PZP: variants seen among roughly 807,000 people sequenced by gnomAD.
The protein encoded by PZP is pregnancy zone protein.
PZP carries 150 observed loss-of-function variants against 179.8 expected under a neutral mutation model. The observed-to-expected ratio is 0.83, with a 90% CI of 0.73 to 0.96. The LOEUF is 0.96. PZP is among the 40% of genes least tolerant of loss of function. The probability of loss-of-function intolerance (pLI) is 0.00; values close to 1 mark genes in which losing one functional copy is unlikely to be tolerated. For missense variants in PZP, 1,689 were observed against 1,764.0 expected (o/e 0.96, Z 0.76); for synonymous variants, 624 against 652.3 (o/e 0.96, Z 0.66).
chr12:9,150,848 T>A lies in PZP; in HGVS notation c.4282-102A>T, dbSNP rs753881096. The A allele has an allele frequency of 9.5e-6, 7 of 738,016 alleles. No homozygotes were observed. In the African/African-American group the frequency reaches 1.1e-4, roughly 11 times the overall value. The allele number at this position is 738,016 out of a possible 1,614,324, so 45.7% of individuals were successfully genotyped here. ...GTTCTTTGACTCTTTTTCACCAGTG[T>A]CTTTAGGTGACCAGACATTTGTGGA... On this transcript the variant is annotated intron_variant, in intron 33 of 35. Coordinates refer to ENST00000261336, the MANE Select transcript of PZP (RefSeq NM_002864.3).
At chr12:9,143,520 G>A in the PZP span, among the ~76,000 whole-genome samples, 2 of 152,022 alleles carry the variant, frequency 1.3e-5, no homozygotes, top group African/African-American at 4.8e-5. Context: ...GAGAAACCTG[G>A]GGAGGGTTTT....
At chr12:9,189,070 G>A (rs901859579) in intron 13 of PZP, among the ~76,000 whole-genome samples, 2 of 152,104 alleles carry the variant, frequency 1.3e-5, no homozygotes, top group Admixed American at 6.5e-5. Flanking sequence ...TGGTCATATT[G>A]CCCAAAGCAA....
chr12:9,193,552 A>G (rs988007988), intron 11 of PZP, among the ~76,000 whole-genome samples: 11 of 152,210 alleles, frequency 7.2e-5, no homozygotes, highest in African/African-American at 2.7e-4. Context: ...ACATGTTTTT[A>G]AACTGAGTTA....
At chr12:9,169,019 A>C (rs749691316) in intron 16 of PZP, 45 bp from the exon 17 acceptor site, 24 of 1,390,680 alleles carry the variant, frequency 1.7e-5, no homozygotes, top group Non-Finnish European at 2.5e-5. Context: ...CTTGATTAGA[A>C]TATATAAAAC....
At chr12:9,162,419 T>C in intron 22 of PZP, 178 bp downstream of exon 22, 1 of 581,872 alleles carries the variant, frequency 1.7e-6, no homozygotes, top group Non-Finnish European at 3.0e-6. Flanking sequence ...CACATTAACT[T>C]GCTCTCTTGG....
In PZP at chr12:9,154,719, G is replaced by T; in HGVS notation, c.3671C>A (p.Thr1224Lys). 1 of 1,614,120 alleles carries T rather than the reference G, an allele frequency of 6.2e-7. No homozygotes were observed. Residue 1224 changes from threonine to lysine, a missense_variant, in exon 29 of 36, where the codon ACG becomes AAG. Thr to Lys is a moderately conservative substitution (Grantham distance 78). Transcript: ENST00000261336. Reference sequence around the variant, plus strand: ...CCCTGAGGTGGGGGCTGGCTGGGCCGTGAGATAAGCGAGGAGCACATAGGA... The same window carrying T: ...CCCTGAGGTGGGGGCTGGCTGGGCCTTGAGATAAGCGAGGAGCACATAGGA... ...MTSYVLLAYL[T>K]AQPAPTSGDL...
chr12:9,183,107 A>T (rs1376824388), intron 13 of PZP, among the ~76,000 whole-genome samples: 4 of 152,186 alleles, frequency 2.6e-5, no homozygotes, highest in African/African-American at 7.2e-5. Context: ...AATTGATTTT[A>T]TTTTTTTCTT....
chr12:9,159,897 T>C lies in PZP; in HGVS notation c.3137+41A>G, dbSNP rs374400936. 5 of 1,524,262 alleles carry C rather than the reference T, an allele frequency of 3.3e-6. No homozygotes were observed. The African/African-American group carries it at 4.1e-5, about 13-fold the overall frequency. 94.4% of individuals were successfully genotyped at this position (1,524,262 alleles called of 1,614,324 possible). ...AGACAGGTAATCTATGTGCACGTTC[T>C]GAACTCATAGTTGAAACTCAGAATA... On this transcript the variant is annotated intron_variant, in intron 25 of 35. Transcript: ENST00000261336.
intron 13 of PZP, among the ~76,000 whole-genome samples, chr12:9,186,917 T>A (rs1404285625): frequency 1.3e-5 from 2 of 151,460 alleles, no homozygotes; most frequent in Non-Finnish European, 2.9e-5. Flanking sequence ...GGCTGATGGG[T>A]GCAGCAAACC....
At chr12:9,151,973 C>T (rs754475048) in intron 32 of PZP, among the ~76,000 whole-genome samples, 5 of 152,210 alleles carry the variant, frequency 3.3e-5, no homozygotes, top group Admixed American at 2.6e-4. Flanking sequence ...GTTTTGTGCC[C>T]ATGTGCTTTA....
At chr12:9,206,241 A>G (rs1039491578) in intron 1 of PZP, among the ~76,000 whole-genome samples, 3 of 151,502 alleles carry the variant, frequency 2.0e-5, no homozygotes, top group Non-Finnish European at 4.4e-5. Flanking sequence ...GATCTTAATA[A>G]GAAGGTATAT....
chr12:9,192,118 A>G (rs1326682535), intron 13 of PZP, 75 bp downstream of exon 13: 6 of 1,286,968 alleles, frequency 4.7e-6, no homozygotes. Context: ...ACGATTTCCC[A>G]TTTATGAACT....
At position 9,194,095 on chromosome 12, in the gene PZP, A is replaced by G. The variant is rs376878193; in HGVS notation, c.1236T>C (p.Val412=). The change falls in exon 11 of 36, where the codon GTT becomes GTC. Residue 412 remains valine, a synonymous_variant. Coordinates refer to ENST00000261336, the MANE Select transcript of PZP (RefSeq NM_002864.3). Reference sequence around the variant, plus strand: ...TACTTACCCGGACAAAAAGTTTATTAACCGAGATACTGGTAGTATTGATTG... The same window carrying G: ...TACTTACCCGGACAAAAAGTTTATTGACCGAGATACTGGTAGTATTGATTG... ...QFSINTTSIS[V]NKLFVRVFTV... 3.1e-6 allele frequency: 5 copies of G among 1,613,474 alleles called. No homozygotes were observed. The highest frequency in any genetic ancestry group is 1.3e-5 in the African/African-American group (1 of 74,910).
the PZP span, among the ~76,000 whole-genome samples, chr12:9,137,030 T>G: frequency 6.6e-6 from 1 of 152,208 alleles, no homozygotes; most frequent in Non-Finnish European, 1.5e-5. Context: ...CTTTCCAGTT[T>G]GACATAGTTC....
In PZP at chr12:9,182,083, C is replaced by T. The variant is rs747026481; in HGVS notation, c.1581G>A (p.Glu527=). 4 of 1,613,748 alleles carry T rather than the reference C, an allele frequency of 2.5e-6. No individual in the cohort carries two copies. The highest frequency in any genetic ancestry group is 2.7e-5 in the African/African-American group (2 of 74,890). Residue 527 remains glutamate (E), a synonymous_variant, in exon 14 of 36, where the codon GAG becomes GAA. Transcript: ENST00000261336. ...KGSFALSFPV[E]SDVAPIARMF... is the part of the protein sequence containing the mutation. ...TTCGTGCAATGGGGGCAACGTCTGA[C>T]TCCACAGGGAAGGATAAGGCAAAAC...
At position 9,192,728 on chromosome 12, in the gene PZP, C is replaced by T; in HGVS notation, c.1266G>A (p.Val422=). The T allele has an allele frequency of 6.2e-7, 1 of 1,608,916 alleles. No individual in the cohort carries two copies. The highest frequency in any genetic ancestry group is 8.5e-7 in the Non-Finnish European group (1 of 1,175,494). The change falls in exon 12 of 36, where the codon GTG becomes GTA. Residue 422 remains valine (V), a synonymous_variant. Transcript: ENST00000261336. ...AATAGTGAAAACACAAGTTGGGATG[C>T]ACAGTGAAAACCTGAGTAAACAGAA... is the stretch of plus-strand genomic sequence containing the variant. ...VNKLFVRVFT[V]HPNLCFHYSW... is the part of the protein sequence containing the mutation.
intron 17 of PZP, chr12:9,166,984 G>C (rs1477112018): frequency 6.6e-6 from 1 of 152,122 alleles, no homozygotes; most frequent in Non-Finnish European, 1.5e-5. Flanking sequence ...TACTTACAAG[G>C]AAAAATATAT....
At chr12:9,195,611 A>ATTTTTTTT (rs11398106) in intron 10 of PZP, among the ~76,000 whole-genome samples, 1 of 104,248 alleles carries the variant, frequency 9.6e-6, no homozygotes, top group Non-Finnish European at 1.9e-5. Flanking sequence ...CCCACTGCTA[A>ATTTTTTTT]TTTTTTTTTT....
downstream of PZP, among the ~76,000 whole-genome samples, chr12:9,145,716 G>A (rs1390417946): frequency 6.6e-6 from 1 of 152,070 alleles, no homozygotes; most frequent in Non-Finnish European, 1.5e-5. Flanking sequence ...TAGCATTTCT[G>A]GTAAGACAAA....
Sources: gnomAD v4.1 joint callset for allele counts (sites outside exome capture counted in the v4.1 genomes callset) on GRCh38, gnomAD v4.1.1 for gene constraint, MANE v1.5 for transcripts, NCBI Gene and HGNC (gene_info 2026-07-23, HGNC 2026-07-21) for gene names.